Variants in SLC30A6 observed in about 807,000 individuals in gnomAD.
SLC30A6 encodes zinc transporter 6.
SLC30A6 carries 55 observed loss-of-function variants against 63.0 expected under a neutral mutation model. That is an observed-to-expected ratio of 0.87 (90% confidence interval 0.70 to 1.09). SLC30A6 has a LOEUF of 1.09. Ranked by LOEUF, SLC30A6 falls within the 50% of genes least tolerant of loss-of-function variation. The pLI is 0.00. For synonymous variants in SLC30A6, 224 were observed against 186.1 expected, an observed-to-expected ratio of 1.20 and a Z score of -1.66; for missense variants, 587 against 549.2, an observed-to-expected ratio of 1.07 and a Z score of -0.69.
chr2:32,189,300 T>C (rs1369538427), intron 5 of SLC30A6, among the ~76,000 whole-genome samples: 6 of 79,388 alleles, frequency 7.6e-5, no homozygotes, highest in African/African-American at 1.9e-4. Context: ...TTTTTTTTTT[T>C]CTTTTTTTTG....
rs138220418 is a variant in SLC30A6 at position 32,196,299 on chromosome 2, A to C, written c.497-1045A>C. 4.5e-4 allele frequency among the ~76,000 whole-genome samples: 68 copies of C among 152,244 alleles called. 1 individual carries two copies. In the East Asian group the frequency reaches 0.012, roughly 28 times the overall value. On this transcript the variant is annotated intron_variant, in intron 8 of 13. Transcript: ENST00000282587. ...CATTGCACTCCTGCCTGGGTGACAAAAGTGAAACTCCATCTCAAAACAAAA... is the reference window on the plus strand; with the variant it reads ...CATTGCACTCCTGCCTGGGTGACAACAGTGAAACTCCATCTCAAAACAAAA...
rs1461704361 is a variant in SLC30A6 at position 32,208,113 on chromosome 2, T to A, written c.816+1180T>A. 2.0e-5 allele frequency among the ~76,000 whole-genome samples: 3 copies of A among 151,728 alleles called. No individual in the cohort carries two copies. In the East Asian group the frequency reaches 5.8e-4, roughly 30 times the overall value. On this transcript the variant is annotated intron_variant, in intron 12 of 13. Coordinates refer to ENST00000282587, the MANE Select transcript of SLC30A6 (RefSeq NM_017964.5). ...TCCCAAAGTGCTGGGATTATAGGTG[T>A]GAGCCACCGTGCCCAGCCTGTTTTT...
intron 5 of SLC30A6, among the ~76,000 whole-genome samples, chr2:32,192,013 C>G (rs1683371071): frequency 6.7e-6 from 1 of 150,234 alleles, no homozygotes; most frequent in South Asian, 2.1e-4. Flanking sequence ...AAAATAAGGA[C>G]TATAATTGGG....
At chr2:32,194,417 C>T (rs1000254216) in intron 8 of SLC30A6, among the ~76,000 whole-genome samples, 2 of 152,128 alleles carry the variant, frequency 1.3e-5, no homozygotes, top group Non-Finnish European at 2.9e-5. Flanking sequence ...GGTGGATGGG[C>T]ATATATGTTT....
At position 32,172,950 on chromosome 2, in the gene SLC30A6, C is replaced by T. The variant is rs1025383246; in HGVS notation, c.91-1113C>T. On this transcript the variant is annotated intron_variant, in intron 2 of 13. Transcript: ENST00000282587. Reference sequence around the variant, plus strand: ...ATCATTAGCACATCAGCCATCACTCCGCCTTCCCTCCTATTTCTCTGGACA... The same window carrying T: ...ATCATTAGCACATCAGCCATCACTCTGCCTTCCCTCCTATTTCTCTGGACA... Among the ~76,000 whole-genome samples, 17 of 152,140 alleles carry T rather than the reference C, an allele frequency of 1.1e-4. 1 individual carries two copies. The highest frequency in any genetic ancestry group is 3.9e-4 in the East Asian group (2 of 5,194).
At chr2:32,181,660 A>C (rs1309218526) in intron 4 of SLC30A6, among the ~76,000 whole-genome samples, 4 of 152,106 alleles carry the variant, frequency 2.6e-5, no homozygotes, top group Non-Finnish European at 5.9e-5. Flanking sequence ...TGAGCTCAGG[A>C]GTTCGAAACC....
At chr2:32,191,017 A>G (rs888284245) in intron 5 of SLC30A6, among the ~76,000 whole-genome samples, 82 of 152,244 alleles carry the variant, frequency 5.4e-4, no homozygotes, top group African/African-American at 1.9e-3. Context: ...AATTTGGTGT[A>G]TTTGTACTTG....
Position 32,206,922 on chromosome 2 carries a change from C to A in SLC30A6, c.805C>A (p.Leu269Ile). 1 of 1,609,158 alleles carries A rather than the reference C, an allele frequency of 6.2e-7. No individual in the cohort carries two copies. Among genetic ancestry groups the A allele is most frequent in the Non-Finnish European group, 8.5e-7 (1 of 1,175,604 alleles). The change falls in exon 12 of 14, where the codon CTC (leucine) becomes ATC (isoleucine). Residue 269 changes from leucine (L) to isoleucine (I), a missense_variant. By Grantham distance (5) the Leu-to-Ile change is conservative. Transcript: ENST00000282587. ...CCATGTTATTGGTCAGTTGGACAAA[C>A]TCATCAGAGAGGTAAGATGGAATAG... ...PPHVIGQLDK[L>I]IREVSTLDGV...
intron 4 of SLC30A6, among the ~76,000 whole-genome samples, chr2:32,177,212 A>G (rs577560512): frequency 6.6e-6 from 1 of 151,684 alleles, no homozygotes; most frequent in Non-Finnish European, 1.5e-5. Context: ...AGATTTACCT[A>G]CTCTGGACAT....
At chr2:32,215,517 T>TATATATATATATATA (rs1553339788) in intron 13 of SLC30A6, among the ~76,000 whole-genome samples, 1 of 89,412 alleles carries the variant, frequency 1.1e-5, no homozygotes, top group African/African-American at 4.0e-5. Flanking sequence ...TATATATATA[T>TATATATATATATATA]TTTTTTTTTT....
intron 12 of SLC30A6, among the ~76,000 whole-genome samples, chr2:32,207,602 C>T (rs1158342078): frequency 6.6e-6 from 1 of 151,806 alleles, no homozygotes; most frequent in South Asian, 2.1e-4. Context: ...GTCTTGAACT[C>T]CTGACCTTGT....
At chr2:32,203,744 A>C (rs542628646) in intron 10 of SLC30A6, 1 of 1,519,778 alleles carries the variant, frequency 6.6e-7, no homozygotes, top group Admixed American at 1.7e-5. Flanking sequence ...GCAGAGTGGC[A>C]TGATTCCGAC....
chr2:32,208,309 T>G (rs1430087082), intron 12 of SLC30A6, among the ~76,000 whole-genome samples: 1 of 151,992 alleles, frequency 6.6e-6, no homozygotes, highest in East Asian at 1.9e-4. Context: ...TTTTGTATTT[T>G]TAGTAGAGAC....
intron 10 of SLC30A6, chr2:32,203,146 C>G: frequency 7.9e-7 from 1 of 1,270,778 alleles, no homozygotes; most frequent in South Asian, 1.2e-5. Flanking sequence ...AACGTGGCTG[C>G]CTGTGGTTTG....
At chr2:32,167,566 C>T (rs1680797949) in intron 1 of SLC30A6, among the ~76,000 whole-genome samples, 2 of 151,922 alleles carry the variant, frequency 1.3e-5, no homozygotes, top group Non-Finnish European at 2.9e-5. Flanking sequence ...CTTATATATC[C>T]TTAATTATTT....
At chr2:32,199,887 G>T (rs1684117759) in intron 10 of SLC30A6, among the ~76,000 whole-genome samples, 1 of 152,068 alleles carries the variant, frequency 6.6e-6, no homozygotes, top group Non-Finnish European at 1.5e-5. Flanking sequence ...AGCCGAGGCG[G>T]CTGGGTCGCC....
At chr2:32,201,580 G>A in intron 10 of SLC30A6, 1 of 1,395,044 alleles carries the variant, frequency 7.2e-7, no homozygotes, top group East Asian at 2.6e-5. Flanking sequence ...GTGCCCGGAG[G>A]GAGGCAGCAG....
At chr2:32,211,846 C>T (rs1401324835) in intron 13 of SLC30A6, among the ~76,000 whole-genome samples, 3 of 152,144 alleles carry the variant, frequency 2.0e-5, no homozygotes, top group Non-Finnish European at 4.4e-5. Flanking sequence ...TCTCAGACTC[C>T]TGACCTCAAG....
chr2:32,216,139 C>G (rs1226640645), intron 13 of SLC30A6, among the ~76,000 whole-genome samples: 1 of 152,122 alleles, frequency 6.6e-6, no homozygotes, highest in Non-Finnish European at 1.5e-5. Context: ...CTTCAAACTG[C>G]TTTTTAGAGT....
Sources: gnomAD v4.1 joint callset for allele counts (sites outside exome capture counted in the v4.1 genomes callset) on GRCh38, gnomAD v4.1.1 for gene constraint, MANE v1.5 for transcripts, NCBI Gene and HGNC (gene_info 2026-07-23, HGNC 2026-07-21) for gene names.